Variants in CAST observed in about 807,000 individuals in gnomAD.
CAST encodes calpastatin.
CAST carries 76 observed loss-of-function variants against 119.6 expected under a neutral mutation model. The ratio of observed to expected loss-of-function variants is 0.64; its 90% CI spans 0.53 to 0.77. The LOEUF is 0.77. Among genes scored for constraint, CAST ranks in the 30% least tolerant of loss-of-function variants. The probability of loss-of-function intolerance (pLI) is 0.00; values close to 1 mark genes in which losing one functional copy is unlikely to be tolerated. For synonymous variants in CAST, 319 were observed against 331.6 expected (o/e 0.96, Z 0.41); for missense variants, 953 against 946.5 (o/e 1.01, Z -0.09).
chr5:96,679,496 G>C (rs1461532268), intron 2 of CAST: 1 of 152,112 alleles, frequency 6.6e-6, no homozygotes, highest in Non-Finnish European at 1.5e-5. Context: ...TGACACATCC[G>C]GCCACACTGA....
the CAST span, among the ~76,000 whole-genome samples, chr5:96,267,072 A>G: frequency 6.6e-6 from 1 of 152,226 alleles, no homozygotes; most frequent in Non-Finnish European, 1.5e-5. Flanking sequence ...TGGATCAAGT[A>G]GAGGAAATAA....
At chr5:96,419,338 T>G in the CAST span, among the ~76,000 whole-genome samples, 8 of 147,244 alleles carry the variant, frequency 5.4e-5, 2 homozygotes, top group African/African-American at 2.0e-4. Flanking sequence ...AAACCTCACT[T>G]TAACCCCTAA....
the CAST span, among the ~76,000 whole-genome samples, chr5:96,148,129 A>G: frequency 4.2e-3 from 638 of 152,342 alleles, 13 homozygotes; most frequent in South Asian, 0.047. Context: ...AATAGTTCCT[A>G]GTTTTCTTCT....
chr5:96,164,647 T>C, the CAST span, among the ~76,000 whole-genome samples: 3 of 152,144 alleles, frequency 2.0e-5, no homozygotes, highest in African/African-American at 7.2e-5. Flanking sequence ...CTCTGCCCTA[T>C]AATAGCCTGA....
At chr5:96,425,036 GA>G in the CAST span, among the ~76,000 whole-genome samples, 1 of 139,110 alleles carries the variant, frequency 7.2e-6, no homozygotes, top group Non-Finnish European at 1.5e-5. Flanking sequence ...AAGAAAGAAA[GA>G]AAGAAAGAAA....
chr5:96,613,728 C>G (rs1747404374), intron 1 of CAST, among the ~76,000 whole-genome samples: 1 of 152,168 alleles, frequency 6.6e-6, no homozygotes, highest in East Asian at 1.9e-4. Context: ...TAGTAACTAC[C>G]TATCTCCCTG....
chr5:96,735,574 A>G (rs746344401), intron 9 of CAST, among the ~76,000 whole-genome samples: 2 of 152,250 alleles, frequency 1.3e-5, no homozygotes, highest in Non-Finnish European at 2.9e-5. Context: ...CAATAGGATC[A>G]GAATGGTGCC....
At chr5:96,317,032 G>A in the CAST span, among the ~76,000 whole-genome samples, 1 of 152,128 alleles carries the variant, frequency 6.6e-6, no homozygotes, top group African/African-American at 2.4e-5. Flanking sequence ...GTTTGAGTGA[G>A]CAAGGCCTCT....
chr5:96,465,279 C>A, the CAST span, among the ~76,000 whole-genome samples: 1 of 151,882 alleles, frequency 6.6e-6, no homozygotes, highest in Non-Finnish European at 1.5e-5. Context: ...GCTCAGCTAT[C>A]TTTTCAATTA....
chr5:96,479,451 TTA>T, the CAST span, among the ~76,000 whole-genome samples: 118 of 87,544 alleles, frequency 1.3e-3, 13 homozygotes, highest in East Asian at 0.016. Flanking sequence ...CAGGCACTCC[TTA>T]TTTTTTTTTT....
At chr5:96,427,665 C>T in the CAST span, among the ~76,000 whole-genome samples, 1 of 152,064 alleles carries the variant, frequency 6.6e-6, no homozygotes, top group East Asian at 1.9e-4. Flanking sequence ...TCATGAGATA[C>T]TTTGAGTAAG....
the CAST span, among the ~76,000 whole-genome samples, chr5:96,260,002 A>G: frequency 0.011 from 1,600 of 152,190 alleles, 24 homozygotes; most frequent in African/African-American, 0.036. Flanking sequence ...GGCTTAGGAC[A>G]TCAGAGTCCC....
At chr5:96,369,204 T>A in the CAST span, among the ~76,000 whole-genome samples, 1 of 151,922 alleles carries the variant, frequency 6.6e-6, no homozygotes, top group African/African-American at 2.4e-5. Context: ...TAAATAAATT[T>A]TACTTAGTTC....
rs188368312 is a variant in CAST, at chr5:96,754,936, T to C, written c.1710+195T>C. On this transcript the variant is annotated intron_variant, in intron 22 of 31. Coordinates refer to ENST00000675179, the MANE Select transcript of CAST (RefSeq NM_001750.7). ...CTAAAATATTCCTAAGTAGACTTGA[T>C]CCTCAAGTGAAAGAAATCTAATGTC... 33 of 400,278 alleles carry C rather than the reference T, an allele frequency of 8.2e-5. 1 individual carries two copies. The Admixed American group carries it at 1.4e-3, about 17-fold the overall frequency. 24.8% of individuals were successfully genotyped at this position (400,278 alleles called of 1,614,324 possible). A position where few individuals can be genotyped will look rare whatever the true frequency, so the allele number is the denominator to read the frequency against.
At chr5:96,376,201 A>G in the CAST span, among the ~76,000 whole-genome samples, 3 of 151,792 alleles carry the variant, frequency 2.0e-5, no homozygotes, top group Non-Finnish European at 4.4e-5. Context: ...CCATAAAATT[A>G]AAATGGAGTG....
intron 1 of CAST, among the ~76,000 whole-genome samples, chr5:96,557,724 A>C (rs1341083769): frequency 1.3e-5 from 2 of 152,342 alleles, no homozygotes; most frequent in East Asian, 3.9e-4. Flanking sequence ...AGAGACCTAC[A>C]AAGAAACTTA....
At chr5:96,686,028 G>A (rs1752041284) in intron 2 of CAST, among the ~76,000 whole-genome samples, 1 of 151,934 alleles carries the variant, frequency 6.6e-6, no homozygotes, top group African/African-American at 2.4e-5. Flanking sequence ...CATATTGTGG[G>A]AATACAGTAG....
At chr5:96,324,892 T>A in the CAST span, among the ~76,000 whole-genome samples, 1 of 152,162 alleles carries the variant, frequency 6.6e-6, no homozygotes, top group Non-Finnish European at 1.5e-5. Context: ...TATGATCCTT[T>A]CTATATTTGT....
intron 1 of CAST, among the ~76,000 whole-genome samples, chr5:96,671,020 C>T (rs928277373): frequency 2.6e-5 from 4 of 152,134 alleles, no homozygotes; most frequent in Admixed American, 6.5e-5. Flanking sequence ...AGATTTTAAA[C>T]GTATAGAGGC....
Sources: gnomAD v4.1 joint callset for allele counts (sites outside exome capture counted in the v4.1 genomes callset) on GRCh38, gnomAD v4.1.1 for gene constraint, MANE v1.5 for transcripts, NCBI Gene and HGNC (gene_info 2026-07-23, HGNC 2026-07-21) for gene names.